ANKRD44: variants seen among roughly 807,000 people sequenced by gnomAD.
The protein encoded by ANKRD44 is ankyrin repeat domain 44.
Under a neutral mutation model 116.0 loss-of-function variants are expected in ANKRD44, and 35 were observed. The observed-to-expected ratio is 0.30, with a 90% confidence interval of 0.23 to 0.40. The LOEUF (loss-of-function observed/expected upper bound fraction) is 0.40, where lower values mean the gene tolerates loss of function less well. Among genes scored for constraint, ANKRD44 ranks in the 10% least tolerant of loss-of-function variants. The pLI is 1.00. For synonymous variants in ANKRD44, 435 were observed against 461.8 expected (o/e 0.94, Z 0.74); for missense variants, 1,014 against 1,242.6 (o/e 0.82, Z 2.77).
intron 20 of ANKRD44, 104 bp from the exon 21 acceptor site, chr2:197,006,014 G>T: frequency 9.7e-7 from 1 of 1,025,940 alleles, no homozygotes; most frequent in Non-Finnish European, 1.5e-6. Flanking sequence ...CATATGCCTG[G>T]GTCTTTAAGG....
intron 16 of ANKRD44, among the ~76,000 whole-genome samples, chr2:197,064,966 A>G (rs1187399527): frequency 1.3e-5 from 2 of 152,242 alleles, no homozygotes; most frequent in East Asian, 3.8e-4. Flanking sequence ...ATAGACATCT[A>G]CAGAACTCTC....
intron 1 of ANKRD44, among the ~76,000 whole-genome samples, chr2:197,276,156 TC>T (rs1405056372): frequency 2.0e-5 from 3 of 151,062 alleles, no homozygotes; most frequent in African/African-American, 4.9e-5. Flanking sequence ...GCACCTGTAA[TC>T]CCAGCTACTT....
intron 1 of ANKRD44, among the ~76,000 whole-genome samples, chr2:197,273,917 C>T (rs2082971029): frequency 7.2e-6 from 1 of 138,348 alleles, no homozygotes; most frequent in East Asian, 2.2e-4. Context: ...CAGATGTTTC[C>T]ACCTCATCAT....
At chr2:197,145,362 A>G (rs2079473315) in intron 3 of ANKRD44, among the ~76,000 whole-genome samples, 1 of 152,182 alleles carries the variant, frequency 6.6e-6, no homozygotes, top group Non-Finnish European at 1.5e-5. Flanking sequence ...ATGGGGACCA[A>G]TAGATGTCAT....
chr2:197,087,029 C>A lies in ANKRD44; in HGVS notation c.1248-281G>T, dbSNP rs565627542. On this transcript the variant is annotated intron_variant, in intron 12 of 27. Coordinates refer to ENST00000282272, the MANE Select transcript of ANKRD44 (RefSeq NM_001195144.2). The stretch of plus-strand genomic sequence containing the variant: ...ATTTAATGATTATTACATGATTAAA[C>A]CCTCCAGTGATGGTTTCATCATTTA... Among the ~76,000 whole-genome samples the A allele has an allele frequency of 3.3e-5, 5 of 152,222 alleles. No individual in the cohort carries two copies. The East Asian group carries it at 9.6e-4, about 29-fold the overall frequency.
chr2:197,118,651 G>GAAAGAAAGAAAC (rs1424447448), intron 8 of ANKRD44, among the ~76,000 whole-genome samples: 2 of 150,516 alleles, frequency 1.3e-5, no homozygotes, highest in South Asian at 4.2e-4. Flanking sequence ...AAGAAAGAAA[G>GAAAGAAAGAAAC]AAAGAAAGAA....
chr2:197,307,551 G>GAA (rs3060107), intron 1 of ANKRD44, among the ~76,000 whole-genome samples: 37,155 of 133,658 alleles, frequency 0.28, 5,967 homozygotes, highest in East Asian at 0.47. Context: ...TTTTTACAGT[G>GAA]AAAAAAAAAA....
At chr2:196,982,200 A>C (rs2075806893), downstream of ANKRD44, among the ~76,000 whole-genome samples, 1 of 151,076 alleles carries the variant, frequency 6.6e-6, no homozygotes, top group Admixed American at 6.6e-5. Flanking sequence ...TGCAATAAGG[A>C]CATGCACACA....
intron 21 of ANKRD44, among the ~76,000 whole-genome samples, chr2:197,004,386 T>C (rs2076166843): frequency 6.6e-6 from 1 of 152,162 alleles, no homozygotes; most frequent in Non-Finnish European, 1.5e-5. Context: ...ATTCATATCA[T>C]TAAACATTCA....
intron 2 of ANKRD44, among the ~76,000 whole-genome samples, chr2:197,171,250 T>G (rs901018091): frequency 6.6e-6 from 1 of 152,092 alleles, no homozygotes; most frequent in Admixed American, 6.5e-5. Flanking sequence ...CAAAGAGTGA[T>G]GGGAGAAGGA....
chr2:197,310,538 GCGCCCGCGCGTCC>G, intron 1 of ANKRD44, 27 bp downstream of exon 1: 2 of 1,076,614 alleles, frequency 1.9e-6, no homozygotes, highest in Non-Finnish European at 2.3e-6. Flanking sequence ...GCGCCGCCCC[GCGCCCGCGCGTCC>G]CGCCCGCCGG....
At position 197,232,933 on chromosome 2, in the gene ANKRD44, T is replaced by C. The variant is rs112091163; in HGVS notation, c.28-45827A>G. Among the ~76,000 whole-genome samples, 4 of 152,342 alleles carry C rather than the reference T, an allele frequency of 2.6e-5. 1 individual carries two copies. Among genetic ancestry groups the C allele is most frequent in the African/African-American group, 9.6e-5 (4 of 41,576 alleles). On this transcript the variant is annotated intron_variant, in intron 1 of 27. Coordinates refer to ENST00000282272, the MANE Select transcript of ANKRD44 (RefSeq NM_001195144.2). ...TAAAATATTTTGCAAGACAGTTCTATTATATTTGTTATTTTATTTGATCCT... is the reference window on the plus strand; with the variant it reads ...TAAAATATTTTGCAAGACAGTTCTACTATATTTGTTATTTTATTTGATCCT...
At chr2:196,992,687 C>G (rs1052314393) in intron 27 of ANKRD44, 1 of 152,518 alleles carries the variant, frequency 6.6e-6, no homozygotes, top group Non-Finnish European at 1.5e-5. Flanking sequence ...AGGTGGGGGA[C>G]ACAGCAGGGT....
At chr2:197,041,648 GTC>G (rs937498404) in intron 16 of ANKRD44, among the ~76,000 whole-genome samples, 1 of 152,140 alleles carries the variant, frequency 6.6e-6, no homozygotes, top group African/African-American at 2.4e-5. Context: ...GCATCTTCCT[GTC>G]TCTTTTTCTG....
At chr2:197,210,248 A>G (rs763048646) in intron 1 of ANKRD44, among the ~76,000 whole-genome samples, 13 of 152,218 alleles carry the variant, frequency 8.5e-5, no homozygotes, top group Non-Finnish European at 1.9e-4. Flanking sequence ...CTTGAATCCA[A>G]TGCTGGGCTT....
At chr2:197,031,333 G>A (rs2076703459) in intron 16 of ANKRD44, among the ~76,000 whole-genome samples, 1 of 152,026 alleles carries the variant, frequency 6.6e-6, no homozygotes, top group Non-Finnish European at 1.5e-5. Context: ...GTATTGTTTT[G>A]TTTGTGTGTG....
rs547165113 is a variant in ANKRD44, at chr2:196,989,841, T to C, written c.2924-192A>G. 1.5e-4 allele frequency: 196 copies of C among 1,309,222 alleles called. No homozygotes were observed. In the African/African-American group the frequency reaches 2.5e-3, roughly 17 times the overall value. 81.1% of individuals were successfully genotyped at this position (1,309,222 alleles called of 1,614,324 possible). ...AGCTCATTTTACTACTGATGAACAA[T>C]GCTGATGATTCTGATGTTTTTTAAA... is the stretch of plus-strand genomic sequence containing the variant. On this transcript the variant is annotated intron_variant, in intron 27 of 27. Coordinates refer to ENST00000282272, the MANE Select transcript of ANKRD44 (RefSeq NM_001195144.2).
chr2:197,263,056 G>C (rs1289970983), intron 1 of ANKRD44: 1 of 364,528 alleles, frequency 2.7e-6, no homozygotes, highest in African/African-American at 2.2e-5. Context: ...AAAAGGTGTT[G>C]TGTCTTCCCT....
At chr2:197,114,340 T>C (rs2078659471) in intron 8 of ANKRD44, among the ~76,000 whole-genome samples, 1 of 152,228 alleles carries the variant, frequency 6.6e-6, no homozygotes, top group South Asian at 2.1e-4. Flanking sequence ...TTTGAAATTA[T>C]TGTTATTTTG....
Sources: allele counts gnomAD v4.1 joint callset (sites outside exome capture counted in the v4.1 genomes callset), GRCh38; gene constraint gnomAD v4.1.1; transcripts MANE v1.5; gene names NCBI Gene and HGNC (gene_info 2026-07-23, HGNC 2026-07-21).